The following ST3GAL4 variants were observed in gnomAD, a reference collection of about 807,000 sequenced individuals.
The protein encoded by ST3GAL4 is CMP-N-acetylneuraminate-beta-galactosamide-alpha-2,3-sialyltransferase 4.
In ST3GAL4, 24 loss-of-function variants were observed where a neutral mutation model predicts 42.6. That is an observed-to-expected ratio of 0.56 (90% CI 0.41 to 0.79). ST3GAL4 has a LOEUF of 0.79. Among genes scored for constraint, ST3GAL4 ranks in the 30% least tolerant of loss-of-function variants. The pLI is 0.00. For synonymous variants in ST3GAL4, 135 were observed against 163.2 expected (o/e 0.83, Z 1.32); for missense variants, 311 against 430.8 (o/e 0.72, Z 2.46).
In ST3GAL4 at chr11:126,406,481, C is replaced by T; in HGVS notation, c.25C>T (p.Leu9Phe). MVSKSRWK[L>F]LAMLALVLVV... ...CTGCATGTGTCCTGCAGGCTGGAAG[C>T]TCCTGGCCATGTTGGCTCTGGTCCT... Residue 9 changes from leucine to phenylalanine, a missense_variant, in exon 3 of 11, where the codon CTC (leucine) becomes TTC (phenylalanine). Physicochemically the swap from Leu to Phe is conservative, Grantham distance 22. Coordinates refer to ENST00000444328, the MANE Select transcript of ST3GAL4 (RefSeq NM_001254757.2). This position sits in a 1 kb window ranked among gnomAD's most constrained non-coding sequence, Gnocchi z 5.4. The T allele has an allele frequency of 6.2e-7, 1 of 1,614,210 alleles. No individual in the cohort carries two copies. Among genetic ancestry groups the T allele is most frequent in the Non-Finnish European group, 8.5e-7 (1 of 1,180,030 alleles).
At chr11:126,380,264 A>C (rs1473389133) in intron 1 of ST3GAL4, among the ~76,000 whole-genome samples, 1 of 151,920 alleles carries the variant, frequency 6.6e-6, no homozygotes, top group East Asian at 1.9e-4. Flanking sequence ...TGTATCAAAA[A>C]AAAAAAAAAA....
chr11:126,379,216 C>A lies in ST3GAL4; in HGVS notation c.-61+23374C>A, dbSNP rs534811472. Among the ~76,000 whole-genome samples the A allele has an allele frequency of 2.3e-4, 35 of 152,280 alleles. No individual in the cohort carries two copies. The highest frequency in any genetic ancestry group is 2.0e-3 in the Admixed American group (31 of 15,292). On this transcript the variant is annotated intron_variant, in intron 1 of 10. Transcript: ENST00000444328. This position sits in a 1 kb window ranked among gnomAD's most constrained non-coding sequence, Gnocchi z 4.2. ...ATTTATCTAGAGGATTACGTAGCCA[C>A]CAATTGCTTTGCTTAGTAGTGAGGA...
chr11:126,358,249 T>C (rs991315915), intron 1 of ST3GAL4, among the ~76,000 whole-genome samples: 2 of 152,196 alleles, frequency 1.3e-5, no homozygotes, highest in African/African-American at 4.8e-5. Context: ...CCCCTGCTGG[T>C]GGTTTAGCTC....
chr11:126,360,203 C>T (rs549121776), intron 1 of ST3GAL4, among the ~76,000 whole-genome samples: 8 of 152,294 alleles, frequency 5.3e-5, no homozygotes, highest in South Asian at 2.1e-4. Context: ...AGGGGCCAGC[C>T]GGGGTATACC....
chr11:126,413,755 C>A lies in ST3GAL4; in HGVS notation c.915+107C>A. On this transcript the variant is annotated intron_variant, in intron 10 of 10. Transcript: ENST00000444328. ...TGCTGAGACCCAGAGGTGGCTCCCGCAGTCAGAACTGGAACCGAGGCACCT... is the reference window on the plus strand; with the variant it reads ...TGCTGAGACCCAGAGGTGGCTCCCGAAGTCAGAACTGGAACCGAGGCACCT... 12 of 1,532,502 alleles carry A rather than the reference C, an allele frequency of 7.8e-6. No homozygotes were observed. The South Asian group carries it at 9.9e-5, about 13-fold the overall frequency. 94.9% of individuals were successfully genotyped at this position (1,532,502 alleles called of 1,614,324 possible).
In ST3GAL4 at chr11:126,402,851, G is replaced by A. The variant is rs1252116193; in HGVS notation, c.-60-3245G>A. Among the ~76,000 whole-genome samples, 14 of 152,202 alleles carry A rather than the reference G, an allele frequency of 9.2e-5. 1 individual carries two copies. The highest frequency in any genetic ancestry group is 7.2e-4 in the Admixed American group (11 of 15,286). Reference sequence around the variant, plus strand: ...GCTCCCTTCGGCCAGGGACATCTTGGTTCCTGGCAGAGCACCAAGAAGAGC... The same window carrying A: ...GCTCCCTTCGGCCAGGGACATCTTGATTCCTGGCAGAGCACCAAGAAGAGC... On this transcript the variant is annotated intron_variant, in intron 1 of 10. Transcript: ENST00000444328.
rs1308511086 is a variant in ST3GAL4 at position 126,366,859 on chromosome 11, A to C, written c.-61+11017A>C. ...GAAACCACTGCTCCAAAACTCTTAAAAGCAGAGCCGAGAGCCTGAATTCAG... is the reference window on the plus strand; with the variant it reads ...GAAACCACTGCTCCAAAACTCTTAACAGCAGAGCCGAGAGCCTGAATTCAG... On this transcript the variant is annotated intron_variant, in intron 1 of 10. Transcript: ENST00000444328. The surrounding 1 kb of genome is among the most constrained non-coding windows in gnomAD (Gnocchi z 4.2). 5.3e-5 allele frequency among the ~76,000 whole-genome samples: 8 copies of C among 152,094 alleles called. No homozygotes were observed. Among genetic ancestry groups the C allele is most frequent in the Non-Finnish European group, 1.0e-4 (7 of 68,014 alleles).
At chr11:126,358,944 G>A (rs1952161446) in intron 1 of ST3GAL4, among the ~76,000 whole-genome samples, 2 of 152,214 alleles carry the variant, frequency 1.3e-5, no homozygotes, top group African/African-American at 4.8e-5. Flanking sequence ...TTTCCCACCT[G>A]GGCCTTGATT....
At position 126,363,107 on chromosome 11, in the gene ST3GAL4, G is replaced by T. The variant is rs546030419; in HGVS notation, c.-61+7265G>T. The stretch of plus-strand genomic sequence containing the variant: ...TCCCCAGCTGGGCTGGACTGAATGA[G>T]GGGCTGGCCGAGGAGCGGGTGTTGA... On this transcript the variant is annotated intron_variant, in intron 1 of 10. Coordinates refer to ENST00000444328, the MANE Select transcript of ST3GAL4 (RefSeq NM_001254757.2). This position sits in a 1 kb window ranked among gnomAD's most constrained non-coding sequence, Gnocchi z 4.6. 2.0e-3 allele frequency among the ~76,000 whole-genome samples: 299 copies of T among 152,306 alleles called. 2 individuals carry two copies. The highest frequency in any genetic ancestry group is 6.7e-3 in the African/African-American group (277 of 41,570).
chr11:126,367,639 AC>A (rs1456394844), intron 1 of ST3GAL4, among the ~76,000 whole-genome samples: 5 of 152,058 alleles, frequency 3.3e-5, no homozygotes, highest in African/African-American at 9.7e-5. Context: ...TGCTGCTGTT[AC>A]CCCCATTTAA....
chr11:126,371,869 A>G (rs1014483711), intron 1 of ST3GAL4, among the ~76,000 whole-genome samples: 2 of 152,238 alleles, frequency 1.3e-5, no homozygotes, highest in African/African-American at 4.8e-5. Context: ...AAGCCTTTGT[A>G]TCAACTGGTA....
intron 1 of ST3GAL4, chr11:126,403,406 G>T: frequency 1.0e-6 from 1 of 985,480 alleles, no homozygotes; most frequent in Non-Finnish European, 1.2e-6. Context: ...GAGGATACCT[G>T]TGTATCTGTC....
At position 126,369,256 on chromosome 11, in the gene ST3GAL4, TG is replaced by T. The variant is rs1555081906; in HGVS notation, c.-61+13423del. ...TTTCTTTCTCTCTCTCTCTTTTTTT[TG>T]GGGGGGGGAGGCAGAGTTTTACTCT... On this transcript the variant is annotated intron_variant, in intron 1 of 10. Transcript: ENST00000444328. Among the ~76,000 whole-genome samples the T allele has an allele frequency of 2.4e-3, 358 of 150,750 alleles. 1 individual carries two copies. Among genetic ancestry groups the T allele is most frequent in the African/African-American group, 7.5e-3 (309 of 41,102 alleles).
intron 1 of ST3GAL4, among the ~76,000 whole-genome samples, chr11:126,380,564 C>G (rs1183317705): frequency 2.0e-5 from 3 of 152,148 alleles, no homozygotes; most frequent in Non-Finnish European, 4.4e-5. Context: ...TCAGTTGACT[C>G]TGTTAATTTA....
At chr11:126,413,391 GC>G in intron 9 of ST3GAL4, 113 bp from the exon 10 acceptor site, 1 of 1,376,764 alleles carries the variant, frequency 7.3e-7, no homozygotes, top group Non-Finnish European at 9.8e-7. Flanking sequence ...TTGTTGGACA[GC>G]GCAGATGGAG....
chr11:126,355,905 T>C lies in ST3GAL4; in HGVS notation c.-61+63T>C, dbSNP rs904028433. 2 of 148,712 alleles carry C rather than the reference T, an allele frequency of 1.3e-5. No individual in the cohort carries two copies. The highest frequency in any genetic ancestry group is 2.0e-4 in the East Asian group (1 of 5,068). 9.2% of individuals were successfully genotyped at this position (148,712 alleles called of 1,614,324 possible). The stretch of plus-strand genomic sequence containing the variant: ...CGGGGCGGGGCGGGGAGCCGCGGGG[T>C]CCTCGGCCGCCTGACCCCAGCCGGC... On this transcript the variant is annotated intron_variant, in intron 1 of 10. Transcript: ENST00000444328. The surrounding 1 kb of genome is among the most constrained non-coding windows in gnomAD (Gnocchi z 7.1).
rs977517208 is a variant in ST3GAL4, at chr11:126,398,736, C to T, written c.-60-7360C>T. Among the ~76,000 whole-genome samples, 3 of 152,330 alleles carry T rather than the reference C, an allele frequency of 2.0e-5. No homozygotes were observed. Among genetic ancestry groups the T allele is most frequent in the East Asian group, 1.9e-4 (1 of 5,182 alleles). On this transcript the variant is annotated intron_variant, in intron 1 of 10. Coordinates refer to ENST00000444328, the MANE Select transcript of ST3GAL4 (RefSeq NM_001254757.2). This position sits in a 1 kb window ranked among gnomAD's most constrained non-coding sequence, Gnocchi z 4.7. ...AAATCTAGTTGGAGGGAGCCAGGCC[C>T]ATAGCCCCTGCATTCTGTACTCTGG...
rs978415766 is a variant in ST3GAL4 at position 126,400,637 on chromosome 11, A to G, written c.-60-5459A>G. Among the ~76,000 whole-genome samples, 5 of 152,186 alleles carry G rather than the reference A, an allele frequency of 3.3e-5. No individual in the cohort carries two copies. Among genetic ancestry groups the G allele is most frequent in the Admixed American group, 6.5e-5 (1 of 15,280 alleles). Reference sequence around the variant, plus strand: ...GTAAGGAGTGCGGAGTGAGTGAAGCAAGAGGGTGATTTGATCCATATCATT... The same window carrying G: ...GTAAGGAGTGCGGAGTGAGTGAAGCGAGAGGGTGATTTGATCCATATCATT... On this transcript the variant is annotated intron_variant, in intron 1 of 10. Transcript: ENST00000444328. This position sits in a 1 kb window ranked among gnomAD's most constrained non-coding sequence, Gnocchi z 4.6.
chr11:126,388,541 A>G (rs1449152203), intron 1 of ST3GAL4, among the ~76,000 whole-genome samples: 1 of 151,332 alleles, frequency 6.6e-6, no homozygotes. Context: ...CATGTTGGCC[A>G]GGCTGGTCTC....
Sources: allele counts gnomAD v4.1 joint callset (sites outside exome capture counted in the v4.1 genomes callset), GRCh38; gene constraint gnomAD v4.1.1; non-coding constraint Gnocchi (gnomAD v3.1); transcripts MANE v1.5; gene names NCBI Gene and HGNC (gene_info 2026-07-23, HGNC 2026-07-21).